Variants in PRAMEF4 observed in about 807,000 individuals in gnomAD.
PRAMEF4 encodes RP5-845O24.6.
PRAMEF4 carries 18 observed loss-of-function variants against 34.4 expected under a neutral mutation model. The observed-to-expected ratio is 0.52, with a 90% CI of 0.36 to 0.78. PRAMEF4 has a LOEUF of 0.78. Among genes scored for constraint, PRAMEF4 ranks in the 30% least tolerant of loss-of-function variants. The pLI is 0.00. For synonymous variants in PRAMEF4, 156 were observed against 219.3 expected, an observed-to-expected ratio of 0.71 and a Z score of 2.55; for missense variants, 482 against 569.1, an observed-to-expected ratio of 0.85 and a Z score of 1.56.
At position 12,882,005 on chromosome 1, in the gene PRAMEF4, A is replaced by G; in HGVS notation, c.724T>C (p.Ser242Pro). 1 of 1,590,810 alleles carries G rather than the reference A, an allele frequency of 6.3e-7. No individual in the cohort carries two copies. The change falls in exon 3 of 4, where the codon TCC becomes CCC. Residue 242 changes from serine (S) to proline (P), a missense_variant. Ser to Pro is a moderately conservative substitution (Grantham distance 74). Transcript: ENST00000235349. ...HMRNLQKLIL[S>P]HMDVSRYVSP... Reference sequence around the variant, plus strand: ...ACGTAGCGAGAGACATCCATGTGGGAGAGAATGAGTTTCTGAAGATTCCTC... The same window carrying G: ...ACGTAGCGAGAGACATCCATGTGGGGGAGAATGAGTTTCTGAAGATTCCTC...
rs748802358 is a variant in PRAMEF4, at chr1:12,883,428, C to T, written c.-16-18G>A. 6.2e-7 allele frequency: 1 copy of T among 1,600,940 alleles called. No homozygotes were observed. Among genetic ancestry groups the T allele is most frequent in the Non-Finnish European group, 8.5e-7 (1 of 1,174,270 alleles). On this transcript the variant is annotated intron_variant, in intron 1 of 3. Coordinates refer to ENST00000235349, the MANE Select transcript of PRAMEF4 (RefSeq NM_001009611.4). ...AGGGAAAACTTCCAGAGGACAAACCCAGAGAAAAGGCATCTCTCTCGGGCC... is the reference window on the plus strand; with the variant it reads ...AGGGAAAACTTCCAGAGGACAAACCTAGAGAAAAGGCATCTCTCTCGGGCC...
Position 12,879,385 on chromosome 1 carries a change from G to A in PRAMEF4, c.*159C>T, listed in dbSNP as rs570012334. On this transcript the variant is annotated 3_prime_UTR_variant, in exon 4 of 4. Transcript: ENST00000235349. Reference sequence around the variant, plus strand: ...GAATCCATGGCAACATTTCCCCCAAGTCCGGCCCCTGCTTGATCAGCTTTC... The same window carrying A: ...GAATCCATGGCAACATTTCCCCCAAATCCGGCCCCTGCTTGATCAGCTTTC... The A allele has an allele frequency of 1.9e-3, 1,336 of 697,194 alleles. 63 individuals are homozygous for A. The African/African-American group carries it at 0.025, about 13-fold the overall frequency. 43.2% of individuals were successfully genotyped at this position (697,194 alleles called of 1,614,324 possible).
At position 12,883,305 on chromosome 1, in the gene PRAMEF4, C is replaced by T. The variant is rs1640930100; in HGVS notation, c.90G>A (p.Leu30=). 11 of 1,600,014 alleles carry T rather than the reference C, an allele frequency of 6.9e-6. 1 individual carries two copies. The highest frequency in any genetic ancestry group is 1.7e-5 in the Admixed American group (1 of 57,608). ...GGAAAAGTTCTGTGGGCAGCTCCTC[C>T]AGGGTGGACATGGCCAAAGCTTGGT... ...LRDQALAMST[L]EELPTELFPP... Residue 30 remains leucine (L), a synonymous_variant, in exon 2 of 4, where the codon CTG becomes CTA. Transcript: ENST00000235349.
At chr1:12,883,518 C>T in intron 1 of PRAMEF4, 108 bp from the exon 2 acceptor site, 1 of 1,398,312 alleles carries the variant, frequency 7.2e-7, no homozygotes, top group South Asian at 1.3e-5. Context: ...TGAAAGAGTC[C>T]TCAGTTTACT....
rs1440444016 is a variant in PRAMEF4, at chr1:12,881,946, C to A, written c.783G>T (p.Gln261His). Residue 261 changes from glutamine to histidine, a missense_variant, in exon 3 of 4, where the codon CAG (glutamine) becomes CAT (histidine). Coordinates refer to ENST00000235349, the MANE Select transcript of PRAMEF4 (RefSeq NM_001009611.4). The part of the protein sequence containing the change: ...SPEQKKEIVT[Q>H]FTTQFLKLRC... ...GCAGCTTGAGGAACTGAGTGGTGAA[C>A]TGGGTAACAATCTCCTTCTTCTGCT... 6.3e-7 allele frequency: 1 copy of A among 1,592,246 alleles called. No homozygotes were observed. Among genetic ancestry groups the A allele is most frequent in the Non-Finnish European group, 8.5e-7 (1 of 1,176,968 alleles).
At position 12,883,997 on chromosome 1, in the gene PRAMEF4, C is replaced by A. The variant is rs899375187; in HGVS notation, c.-16-587G>T. Among the ~76,000 whole-genome samples, 2 of 143,952 alleles carry A rather than the reference C, an allele frequency of 1.4e-5. 1 individual carries two copies. The highest frequency in any genetic ancestry group is 1.5e-4 in the Admixed American group (2 of 13,552). The allele number at this position is 143,952 out of a possible 152,430, so 94.4% of individuals were successfully genotyped here. ...CTGCCTCCCTTCTCTCATTCTCTCT[C>A]TCTTTCTCTCTCTCCCTCTCTCACT... On this transcript the variant is annotated intron_variant, in intron 1 of 3. Coordinates refer to ENST00000235349, the MANE Select transcript of PRAMEF4 (RefSeq NM_001009611.4).
rs775270846 is a variant in PRAMEF4, at chr1:12,883,281, G to A, written c.114C>T (p.Phe38=). 12 of 1,599,476 alleles carry A rather than the reference G, an allele frequency of 7.5e-6. No homozygotes were observed. The African/African-American group carries it at 8.3e-5, about 11-fold the overall frequency. The change falls in exon 2 of 4, where the codon TTC becomes TTT. Residue 38 remains phenylalanine (F), a synonymous_variant. Transcript: ENST00000235349. ...TGAAGGCCTCCATGAACAGTGGGGG[G>A]AAAAGTTCTGTGGGCAGCTCCTCCA... ...STLEELPTEL[F]PPLFMEAFSR... is the part of the protein sequence containing the mutation.
In PRAMEF4 at chr1:12,883,110, A is replaced by T; in HGVS notation, c.285T>A (p.Val95=). ...CACCTGGGCCACCTCACCTGGGACG[A>T]ACCCCTAGGTTAAGCAGTGCATCCA... is the stretch of plus-strand genomic sequence containing the variant. ...DGLDALLNLG[V]RPRRWKLQVL... is the part of the protein sequence containing the mutation. The change falls in exon 2 of 4, where the codon GTT becomes GTA. Residue 95 remains valine (V), a synonymous_variant. Transcript: ENST00000235349. 6.2e-7 allele frequency: 1 copy of T among 1,601,212 alleles called. No individual in the cohort carries two copies. The highest frequency in any genetic ancestry group is 1.9e-4 in the Middle Eastern group (1 of 5,146).
rs1017864653 is a variant in PRAMEF4 at position 12,882,941 on chromosome 1, C to G, written c.293+161G>C. On this transcript the variant is annotated intron_variant, in intron 2 of 3. Coordinates refer to ENST00000235349, the MANE Select transcript of PRAMEF4 (RefSeq NM_001009611.4). ...GTTCCTGTTACCTCCATGGACCTTG[C>G]GTGGTGAGCAGTGCTTTCCCTGAGG... 1.4e-3 allele frequency among the ~76,000 whole-genome samples: 200 copies of G among 146,518 alleles called. 13 individuals are homozygous for G. Among genetic ancestry groups the G allele is most frequent in the African/African-American group, 3.6e-3 (138 of 38,706 alleles).
intron 2 of PRAMEF4, among the ~76,000 whole-genome samples, chr1:12,882,699 T>C (rs1361017892): frequency 6.8e-6 from 1 of 147,858 alleles, no homozygotes; most frequent in African/African-American, 2.5e-5. Flanking sequence ...CAAATGATTC[T>C]CCTGCCTCAA....
Position 12,883,327 on chromosome 1 carries a change from T to C in PRAMEF4, c.68A>G (p.Gln23Arg), listed in dbSNP as rs771019583. The C allele has an allele frequency of 1.9e-6, 3 of 1,600,128 alleles. 1 individual carries two copies. In the African/African-American group the frequency reaches 4.1e-5, roughly 22 times the overall value. ...ELAGRSLLRD[Q>R]ALAMSTLEEL... The stretch of plus-strand genomic sequence containing the variant: ...CTCCAGGGTGGACATGGCCAAAGCT[T>C]GGTCCCTTAGCAGGCTCCGCCCTGC... The change falls in exon 2 of 4, where the codon CAA becomes CGA. Residue 23 changes from glutamine (Q) to arginine (R), a missense_variant. Physicochemically the swap from Gln to Arg is conservative, Grantham distance 43. This residue lies in a region of PRAMEF4 where 172 missense variants were observed against 130.2 expected (regional missense o/e 1.32). Transcript: ENST00000235349.
At chr1:12,884,242 CCTAGT>C (rs1640951007) in intron 1 of PRAMEF4, among the ~76,000 whole-genome samples, 1 of 148,162 alleles carries the variant, frequency 6.7e-6, no homozygotes. Context: ...GTCTTGAACT[CCTAGT>C]CTCAAGCAAT....
Position 12,879,492 on chromosome 1 carries a change from T to G in PRAMEF4, c.*52A>C. The G allele has an allele frequency of 5.1e-6, 6 of 1,184,194 alleles. No individual in the cohort carries two copies. In the South Asian group the frequency reaches 8.2e-5, roughly 16 times the overall value. 73.4% of individuals were successfully genotyped at this position (1,184,194 alleles called of 1,614,324 possible). On this transcript the variant is annotated 3_prime_UTR_variant, in exon 4 of 4. Coordinates refer to ENST00000235349, the MANE Select transcript of PRAMEF4 (RefSeq NM_001009611.4). The stretch of plus-strand genomic sequence containing the variant: ...TGTACCTAAGACCTAGGTTTTAGTT[T>G]CCAAGTGTCCAGAAGAAAGCGTTTG...
Position 12,884,630 on chromosome 1 carries a change from A to G in PRAMEF4, c.-16-1220T>C, listed in dbSNP as rs1281831613. Among the ~76,000 whole-genome samples, 92 of 144,854 alleles carry G rather than the reference A, an allele frequency of 6.4e-4. 2 individuals are homozygous for G. The highest frequency in any genetic ancestry group is 7.1e-3 in the Middle Eastern group (2 of 280). ...CTAGGGAGGCTGAGGTAGGAGGATC[A>G]CTTGAACCCAGGAGGCAGAAGTTGC... On this transcript the variant is annotated intron_variant, in intron 1 of 3. Coordinates refer to ENST00000235349, the MANE Select transcript of PRAMEF4 (RefSeq NM_001009611.4).
In PRAMEF4 at chr1:12,884,414, G is replaced by A. The variant is rs11122033; in HGVS notation, c.-16-1004C>T. 1.2e-3 allele frequency among the ~76,000 whole-genome samples: 182 copies of A among 149,600 alleles called. 3 individuals are homozygous for A. The highest frequency in any genetic ancestry group is 0.011 in the Middle Eastern group (3 of 284). ...TTTCCAATGCACACTTGTTACACATGTTCAAACTGAACCACTTTGGCTGGG... is the reference window on the plus strand; with the variant it reads ...TTTCCAATGCACACTTGTTACACATATTCAAACTGAACCACTTTGGCTGGG... On this transcript the variant is annotated intron_variant, in intron 1 of 3. Coordinates refer to ENST00000235349, the MANE Select transcript of PRAMEF4 (RefSeq NM_001009611.4).
intron 1 of PRAMEF4, among the ~76,000 whole-genome samples, chr1:12,883,898 T>C (rs1640943252): frequency 6.9e-6 from 1 of 144,036 alleles, no homozygotes; most frequent in African/African-American, 2.6e-5. Context: ...TCTTCTTTCC[T>C]TCTTTCCCTC....
At chr1:12,883,754 A>ATGGGAG in intron 1 of PRAMEF4, among the ~76,000 whole-genome samples, 1 of 144,410 alleles carries the variant, frequency 6.9e-6, no homozygotes, top group Non-Finnish European at 1.5e-5. Flanking sequence ...GGGAATGGGA[A>ATGGGAG]TGTCACAAGC....
rs551848759 is a variant in PRAMEF4 at position 12,880,880 on chromosome 1, A to G, written c.876-775T>C. ...CTGCACCCTGACCCTCTGTTTCAGA[A>G]TCATGCATTGCCTAGATAATTAATT... is the stretch of plus-strand genomic sequence containing the variant. On this transcript the variant is annotated intron_variant, in intron 3 of 3. Transcript: ENST00000235349. Among the ~76,000 whole-genome samples, 3 of 146,332 alleles carry G rather than the reference A, an allele frequency of 2.1e-5. 1 individual carries two copies. The highest frequency in any genetic ancestry group is 4.5e-5 in the Non-Finnish European group (3 of 66,620).
Position 12,879,796 on chromosome 1 carries a change from G to T in PRAMEF4, c.1185C>A (p.Ala395=). Residue 395 remains alanine (A), a synonymous_variant, in exon 4 of 4, where the codon GCC becomes GCA. Coordinates refer to ENST00000235349, the MANE Select transcript of PRAMEF4 (RefSeq NM_001009611.4). The part of the protein sequence containing the change: ...FSFCGNPICM[A]TLENLLSHTI... Reference sequence around the variant, plus strand: ...TGTGGCTCAGCAGGTTCTCCAGGGTGGCCATGCAGATGGGATTTCCACAGA... The same window carrying T: ...TGTGGCTCAGCAGGTTCTCCAGGGTTGCCATGCAGATGGGATTTCCACAGA... The T allele has an allele frequency of 6.2e-7, 1 of 1,600,284 alleles. No homozygotes were observed.
Sources: allele counts gnomAD v4.1 joint callset (sites outside exome capture counted in the v4.1 genomes callset), GRCh38; gene constraint gnomAD v4.1.1; regional missense constraint gnomAD v4.1.1; transcripts MANE v1.5; gene names NCBI Gene and HGNC (gene_info 2026-07-23, HGNC 2026-07-21).